The following BNC2 variants were observed in gnomAD, a reference collection of about 807,000 sequenced individuals.
BNC2 encodes zinc finger protein basonuclin-2.
In BNC2, 20 loss-of-function variants were observed where a neutral mutation model predicts 76.3. The ratio of observed to expected loss-of-function variants is 0.26; its 90% CI spans 0.18 to 0.38. BNC2 has a LOEUF of 0.38. BNC2 is among the 10% of genes least tolerant of loss of function. BNC2 has a pLI of 1.00. For synonymous variants in BNC2, 582 were observed against 514.8 expected, an observed-to-expected ratio of 1.13 and a Z score of -1.77; for missense variants, 1,382 against 1,399.8, an observed-to-expected ratio of 0.99 and a Z score of 0.20.
At chr9:16,671,886 G>C (rs903474722) in intron 3 of BNC2, among the ~76,000 whole-genome samples, 2 of 152,186 alleles carry the variant, frequency 1.3e-5, no homozygotes, top group Admixed American at 6.5e-5. Flanking sequence ...GAAAATGCAA[G>C]TTGCATAATC....
chr9:16,845,669 C>T (rs1013667201), intron 1 of BNC2, among the ~76,000 whole-genome samples: 2 of 151,958 alleles, frequency 1.3e-5, no homozygotes, highest in Non-Finnish European at 2.9e-5. Context: ...TGCAGTGAGC[C>T]GAGATCGCAC....
At chr9:16,524,164 A>T (rs976472450) in intron 5 of BNC2, among the ~76,000 whole-genome samples, 2 of 152,218 alleles carry the variant, frequency 1.3e-5, no homozygotes, top group Non-Finnish European at 2.9e-5. Flanking sequence ...AAAAAAGTTA[A>T]ATAAAATGAC....
chr9:16,500,939 C>T (rs1485103438), intron 5 of BNC2, among the ~76,000 whole-genome samples: 1 of 152,142 alleles, frequency 6.6e-6, no homozygotes, highest in African/African-American at 2.4e-5. Flanking sequence ...GGTGTGTCTT[C>T]TAGTATCCTG....
rs576810099 is a variant in BNC2, at chr9:16,845,528, T to C, written c.3+25118A>G. Among the ~76,000 whole-genome samples, 783 of 151,978 alleles carry C rather than the reference T, an allele frequency of 5.2e-3. 8 individuals carry two copies. The highest frequency in any genetic ancestry group is 0.016 in the African/African-American group (659 of 41,466). ...CAAGGTCAGGAGATCGAGACCATCC[T>C]GGCTAACACAGTGAAACCCCATCTC... On this transcript the variant is annotated intron_variant, in intron 1 of 6. Transcript: ENST00000380672.
intron 5 of BNC2, among the ~76,000 whole-genome samples, chr9:16,457,443 A>G (rs1821477195): frequency 6.6e-6 from 1 of 152,216 alleles, no homozygotes; most frequent in South Asian, 2.1e-4. Flanking sequence ...ACAAAGCAGC[A>G]TCAGCACAGG....
intron 1 of BNC2, among the ~76,000 whole-genome samples, chr9:16,815,811 T>C (rs998568154): frequency 6.6e-6 from 1 of 152,212 alleles, no homozygotes; most frequent in South Asian, 2.1e-4. Context: ...CAAAAACTGG[T>C]AAGGGGCATT....
intron 5 of BNC2, among the ~76,000 whole-genome samples, chr9:16,454,712 AAAAC>A (rs1325320571): frequency 3.9e-5 from 6 of 152,250 alleles, no homozygotes; most frequent in Admixed American, 2.0e-4. Flanking sequence ...ACTAAAAAAT[AAAAC>A]AAACAAAAAC....
intron 1 of BNC2, among the ~76,000 whole-genome samples, chr9:16,803,354 T>A (rs576294115): frequency 6.6e-6 from 1 of 152,332 alleles, no homozygotes; most frequent in Admixed American, 6.5e-5. Context: ...AGCTAATTTA[T>A]AATACGTACC....
At chr9:16,859,642 G>C (rs1453408925) in intron 1 of BNC2, among the ~76,000 whole-genome samples, 2 of 152,174 alleles carry the variant, frequency 1.3e-5, no homozygotes, top group Non-Finnish European at 2.9e-5. Context: ...CTTCTATGAG[G>C]CATCTAAAGT....
chr9:16,481,725 T>G (rs1351546405), intron 5 of BNC2, among the ~76,000 whole-genome samples: 1 of 152,156 alleles, frequency 6.6e-6, no homozygotes, highest in African/African-American at 2.4e-5. Context: ...AGTTGTTAGT[T>G]TCTGAGTAAA....
At chr9:16,530,659 A>T (rs1051911314) in intron 5 of BNC2, among the ~76,000 whole-genome samples, 10 of 152,238 alleles carry the variant, frequency 6.6e-5, no homozygotes. Flanking sequence ...ATTTGTTCAC[A>T]AAAGTTTATG....
chr9:16,818,400 T>C (rs143457474), intron 1 of BNC2, among the ~76,000 whole-genome samples: 3,224 of 151,880 alleles, frequency 0.021, 111 homozygotes, highest in African/African-American at 0.073. Context: ...CGAGACTCCG[T>C]CTCAAAAAAA....
At chr9:16,546,955 G>A (rs73645995) in intron 5 of BNC2, among the ~76,000 whole-genome samples, 2 of 152,180 alleles carry the variant, frequency 1.3e-5, no homozygotes, top group Non-Finnish European at 2.9e-5. Context: ...ATAAGCCTGG[G>A]TGCTGGTGCT....
intron 4 of BNC2, among the ~76,000 whole-genome samples, chr9:16,573,138 G>A (rs12343306): frequency 0.18 from 27,037 of 150,710 alleles, 4,594 homozygotes; most frequent in African/African-American, 0.45. Context: ...TGAGGTGGGA[G>A]GATTGCTTGA....
intron 1 of BNC2, among the ~76,000 whole-genome samples, chr9:16,754,636 C>A (rs1346502678): frequency 6.6e-6 from 1 of 152,094 alleles, no homozygotes; most frequent in Non-Finnish European, 1.5e-5. Flanking sequence ...CGACTCACTA[C>A]AAGCTCCACC....
At chr9:16,725,192 T>G (rs1276018370) in intron 3 of BNC2, among the ~76,000 whole-genome samples, 1 of 142,548 alleles carries the variant, frequency 7.0e-6, no homozygotes, top group African/African-American at 2.6e-5. Flanking sequence ...ATATCAGAGA[T>G]ATAATTTCAA....
chr9:16,866,995 T>C (rs1387775747), intron 1 of BNC2, among the ~76,000 whole-genome samples: 3 of 152,206 alleles, frequency 2.0e-5, no homozygotes, highest in African/African-American at 7.2e-5. Flanking sequence ...CTTATATATT[T>C]ATCAAGTTAA....
intron 1 of BNC2, among the ~76,000 whole-genome samples, chr9:16,838,870 G>T (rs900864441): frequency 6.6e-6 from 1 of 152,152 alleles, no homozygotes; most frequent in Non-Finnish European, 1.5e-5. Context: ...CTGACCCACA[G>T]TAAGGACAAC....
chr9:16,557,924 G>T (rs1374165012), intron 4 of BNC2, among the ~76,000 whole-genome samples: 2 of 151,824 alleles, frequency 1.3e-5, no homozygotes, highest in East Asian at 3.9e-4. Flanking sequence ...GCAGTGGCAG[G>T]ATCGCGGCTC....
Sources: allele counts gnomAD v4.1 joint callset (sites outside exome capture counted in the v4.1 genomes callset), GRCh38; gene constraint gnomAD v4.1.1; transcripts MANE v1.5; gene names NCBI Gene and HGNC (gene_info 2026-07-23, HGNC 2026-07-21).